Variants in LRP1B observed in about 807,000 individuals in gnomAD.
The protein encoded by LRP1B is low-density lipoprotein receptor-related protein 1B.
A neutral mutation model predicts 556.6 loss-of-function variants in LRP1B; 217 were observed. The ratio of observed to expected loss-of-function variants is 0.39; its 90% CI spans 0.35 to 0.44. The LOEUF (loss-of-function observed/expected upper bound fraction) is 0.44, where lower values mean the gene tolerates loss of function less well. LRP1B is among the 20% of genes least tolerant of loss of function. The pLI, the probability that LRP1B is intolerant of heterozygous loss-of-function variation, is 1.00. For synonymous variants in LRP1B, 2,047 were observed against 1,865.8 expected (o/e 1.10, Z -2.50); for missense variants, 5,053 against 5,620.8 (o/e 0.90, Z 3.23).
intron 2 of LRP1B, among the ~76,000 whole-genome samples, chr2:141,722,351 T>A: frequency 6.6e-6 from 1 of 152,062 alleles, no homozygotes; most frequent in East Asian, 1.9e-4. Context: ...GCACTACAGC[T>A]TGGTTGACAG....
At chr2:141,516,452 A>T (rs1290139606) in intron 2 of LRP1B, among the ~76,000 whole-genome samples, 3 of 152,170 alleles carry the variant, frequency 2.0e-5, no homozygotes, top group Non-Finnish European at 4.4e-5. Context: ...AATGTTACAG[A>T]TCTAAACTAT....
chr2:140,580,598 A>G (rs534767740), intron 43 of LRP1B, among the ~76,000 whole-genome samples: 32 of 152,158 alleles, frequency 2.1e-4, no homozygotes, highest in Non-Finnish European at 4.4e-4. Context: ...TGTAATTCCA[A>G]TTTCCATGAT....
At position 140,321,950 on chromosome 2, in the gene LRP1B, A is replaced by G. The variant is rs2105053058; in HGVS notation, c.12640+13T>C. The G allele has an allele frequency of 6.2e-7, 1 of 1,605,434 alleles. No individual in the cohort carries two copies. On this transcript the variant is annotated intron_variant, in intron 82 of 90. Coordinates refer to ENST00000389484, the MANE Select transcript of LRP1B (RefSeq NM_018557.3). ...ATTAATTCATTATTTACAGAATAATAAAGTATACCCACCTAACAGGCTGTC... is the reference window on the plus strand; with the variant it reads ...ATTAATTCATTATTTACAGAATAATGAAGTATACCCACCTAACAGGCTGTC...
chr2:141,233,728 T>C (rs1683554693), intron 5 of LRP1B, among the ~76,000 whole-genome samples: 2 of 152,094 alleles, frequency 1.3e-5, no homozygotes, highest in South Asian at 4.1e-4. Flanking sequence ...CTTGTCATTT[T>C]TAAGGTTTCA....
intron 43 of LRP1B, among the ~76,000 whole-genome samples, chr2:140,564,977 T>G (rs1681071830): frequency 6.6e-6 from 1 of 152,028 alleles, no homozygotes; most frequent in Non-Finnish European, 1.5e-5. Flanking sequence ...AACACTGGTA[T>G]GATTTAGCTG....
rs755409218 is a variant in LRP1B, at chr2:141,005,446, A to G, written c.2392T>C (p.Cys798Arg). 2.5e-6 allele frequency: 4 copies of G among 1,610,000 alleles called. No individual in the cohort carries two copies. Among genetic ancestry groups the G allele is most frequent in the Non-Finnish European group, 3.4e-6 (4 of 1,177,504 alleles). ...DPRKQQGDNM[C>R]RVNNGGCSTL... ...CTACAGCCCCCATTATTTACTCGGC[A>G]CATATTGTCACCTGCAAGAGGAAGA... The change falls in exon 15 of 91, where the codon TGC (cysteine) becomes CGC (arginine). Residue 798 changes from cysteine (C) to arginine (R), a missense_variant. By Grantham distance (180) the Cys-to-Arg change is radical. Around this residue, in one of 5 missense-constraint regions of LRP1B, gnomAD observed 3,619 missense variants for 3,931.9 expected, o/e 0.92. Coordinates refer to ENST00000389484, the MANE Select transcript of LRP1B (RefSeq NM_018557.3).
At chr2:141,425,113 C>G (rs571860571) in intron 3 of LRP1B, among the ~76,000 whole-genome samples, 1 of 150,702 alleles carries the variant, frequency 6.6e-6, no homozygotes, top group South Asian at 2.1e-4. Flanking sequence ...TGTTCCCCTT[C>G]CTGTGTCCAT....
rs114770117 is a variant in LRP1B, at chr2:140,583,910, C to A, written c.7194+14721G>T. 4.2e-3 allele frequency among the ~76,000 whole-genome samples: 643 copies of A among 152,246 alleles called. 2 individuals are homozygous for A. Among genetic ancestry groups the A allele is most frequent in the African/African-American group, 0.015 (612 of 41,558 alleles). ...CAAATCAAAGCACTGTATAACTTAA[C>A]AGTCTTCCCATAATGTCTTGGTTGC... is the stretch of plus-strand genomic sequence containing the variant. On this transcript the variant is annotated intron_variant, in intron 43 of 90. Transcript: ENST00000389484.
chr2:140,843,981 A>T (rs1390087726), intron 29 of LRP1B, among the ~76,000 whole-genome samples: 1 of 152,202 alleles, frequency 6.6e-6, no homozygotes, highest in Non-Finnish European at 1.5e-5. Flanking sequence ...TTTTAAGAGT[A>T]TGTGAACTGA....
At chr2:140,269,440 G>A in intron 86 of LRP1B, 10 of 457,660 alleles carry the variant, frequency 2.2e-5, no homozygotes, top group South Asian at 1.4e-4. Flanking sequence ...TGCCAAATAT[G>A]TTTTAAATTC....
chr2:140,258,505 TAAC>T (rs1396252270), intron 86 of LRP1B, among the ~76,000 whole-genome samples: 1 of 152,168 alleles, frequency 6.6e-6, no homozygotes, highest in Non-Finnish European at 1.5e-5. Context: ...TAATTTTCAA[TAAC>T]AAGCACTTTT....
At chr2:140,439,519 G>A (rs533452924) in intron 66 of LRP1B, among the ~76,000 whole-genome samples, 3 of 152,000 alleles carry the variant, frequency 2.0e-5, no homozygotes, top group South Asian at 4.1e-4. Context: ...CACAAAAATG[G>A]AGCTCCAAGA....
chr2:141,361,232 A>C (rs1688815847), intron 3 of LRP1B, among the ~76,000 whole-genome samples: 1 of 152,184 alleles, frequency 6.6e-6, no homozygotes, highest in Non-Finnish European at 1.5e-5. Flanking sequence ...TCTGTTTGAC[A>C]TAAGGAAGTA....
At chr2:140,389,709 T>TTA (rs1186829652) in intron 66 of LRP1B, among the ~76,000 whole-genome samples, 9 of 145,374 alleles carry the variant, frequency 6.2e-5, no homozygotes, top group African/African-American at 1.5e-4. Context: ...TTCCAAAGTT[T>TTA]TATATATATA....
chr2:141,164,128 A>T (rs947599765), intron 7 of LRP1B, among the ~76,000 whole-genome samples: 1 of 152,088 alleles, frequency 6.6e-6, no homozygotes, highest in Non-Finnish European at 1.5e-5. Flanking sequence ...CTCTACAAAG[A>T]AGCAGAGGTG....
rs80253031 is a variant in LRP1B, at chr2:141,291,351, C to T, written c.344-36710G>A. Among the ~76,000 whole-genome samples the T allele has an allele frequency of 3.5e-3, 525 of 152,144 alleles. 3 individuals are homozygous for T. Among genetic ancestry groups the T allele is most frequent in the African/African-American group, 0.012 (493 of 41,522 alleles). On this transcript the variant is annotated intron_variant, in intron 3 of 90. Transcript: ENST00000389484. ...TCCTTCACTTCCACTTTGACAAGAA[C>T]GACTCAACTTTTTTATATATGTAAT...
At chr2:141,204,571 T>TA (rs1682187946) in intron 6 of LRP1B, among the ~76,000 whole-genome samples, 1 of 152,212 alleles carries the variant, frequency 6.6e-6, no homozygotes, top group African/African-American at 2.4e-5. Flanking sequence ...GAAATGTACT[T>TA]ACATGTTTGA....
chr2:141,644,744 C>CACAG, intron 2 of LRP1B, among the ~76,000 whole-genome samples: 1 of 148,608 alleles, frequency 6.7e-6, no homozygotes, highest in South Asian at 2.1e-4. Context: ...CACACACACA[C>CACAG]ACACACACAC....
intron 1 of LRP1B, among the ~76,000 whole-genome samples, chr2:142,016,680 G>A (rs1270857293): frequency 6.6e-6 from 1 of 151,954 alleles, no homozygotes; most frequent in Non-Finnish European, 1.5e-5. Context: ...GCCTGTTGGG[G>A]GGTAGGGGCT....
Sources: gnomAD v4.1 joint callset for allele counts (sites outside exome capture counted in the v4.1 genomes callset) on GRCh38, gnomAD v4.1.1 for gene constraint, gnomAD v4.1.1 regional missense constraint, MANE v1.5 for transcripts, NCBI Gene and HGNC (gene_info 2026-07-23, HGNC 2026-07-21) for gene names.